ADGRE3: variants seen among roughly 807,000 people sequenced by gnomAD.
ADGRE3 encodes adhesion G protein-coupled receptor E3.
ADGRE3 carries 88 observed loss-of-function variants against 80.1 expected under a neutral mutation model. The ratio of observed to expected loss-of-function variants is 1.10; its 90% CI spans 0.93 to 1.31. The LOEUF (loss-of-function observed/expected upper bound fraction) is 1.31. Among genes scored for constraint, ADGRE3 ranks in the 40% most tolerant of loss-of-function variants. The probability of loss-of-function intolerance (pLI) is 0.00; values close to 1 mark genes in which losing one functional copy is unlikely to be tolerated. For missense variants in ADGRE3, 715 were observed against 776.5 expected (o/e 0.92, Z 0.94); for synonymous variants, 281 against 294.8 (o/e 0.95, Z 0.48).
intron 15 of ADGRE3, 68 bp downstream of exon 15, chr19:14,625,424 T>G: frequency 5.8e-6 from 6 of 1,035,186 alleles, no homozygotes; most frequent in Non-Finnish European, 8.9e-6. Flanking sequence ...AATCCCAAAC[T>G]AGAGGAAGTT....
chr19:14,645,504 C>T (rs1599629120), intron 8 of ADGRE3, among the ~76,000 whole-genome samples: 1 of 151,980 alleles, frequency 6.6e-6, no homozygotes, highest in East Asian at 1.9e-4. Flanking sequence ...ACTAAAAATA[C>T]AAAAATGAGC....
At chr19:14,660,849 G>C (rs1003275596) in intron 4 of ADGRE3, among the ~76,000 whole-genome samples, 5 of 151,504 alleles carry the variant, frequency 3.3e-5, no homozygotes, top group Admixed American at 6.6e-5. Context: ...TTGCAATGGG[G>C]TCTCAGAGAG....
At chr19:14,661,075 G>A (rs955352487) in intron 4 of ADGRE3, among the ~76,000 whole-genome samples, 117 of 151,106 alleles carry the variant, frequency 7.7e-4, no homozygotes, top group African/African-American at 2.8e-3. Flanking sequence ...CTGAGAAGCT[G>A]GGATTACAGG....
At chr19:14,608,655 A>G in the ADGRE3 span, among the ~76,000 whole-genome samples, 1 of 127,878 alleles carries the variant, frequency 7.8e-6, no homozygotes, top group African/African-American at 3.1e-5. Context: ...TTTTTTTGAG[A>G]CAGAGTCTCA....
the ADGRE3 span, among the ~76,000 whole-genome samples, chr19:14,607,628 T>C: frequency 6.6e-6 from 1 of 151,928 alleles, no homozygotes; most frequent in Non-Finnish European, 1.5e-5. Flanking sequence ...CAGGCTGGAG[T>C]GCAATGGTGC....
chr19:14,620,582 T>A lies in ADGRE3; in HGVS notation c.1921-1111A>T, dbSNP rs1420299272. ...TATATATATATATTTTTTTTTTTTT[T>A]TTTTTTTTTTTTTTTGAGACAGGGT... On this transcript the variant is annotated intron_variant, in intron 15 of 15. Transcript: ENST00000253673. Among the ~76,000 whole-genome samples, 244 of 31,010 alleles carry A rather than the reference T, an allele frequency of 7.9e-3. 17 individuals are homozygous for A. Among genetic ancestry groups the A allele is most frequent in the Non-Finnish European group, 0.012 (191 of 15,568 alleles). The allele number at this position is 31,010 out of a possible 152,430, so 20.3% of individuals were successfully genotyped here.
the ADGRE3 span, chr19:14,610,423 C>A: frequency 1.8e-6 from 1 of 565,760 alleles, no homozygotes. Context: ...ATGCTCAGAG[C>A]TTGGTGGTGG....
Position 14,641,446 on chromosome 19 carries a change from G to A in ADGRE3, c.1221C>T (p.Leu407=), listed in dbSNP as rs752272423. ...LCLFLAHLLF[L]VGIDRTEPKV... is the part of the protein sequence containing the mutation. The stretch of plus-strand genomic sequence containing the variant: ...TGGGTTCAGTTCGATCAATCCCCAC[G>A]AGGAAGAGGAGGTGGGCCAGGAAGA... Residue 407 remains leucine, a synonymous_variant, in exon 10 of 16, where the codon CTC becomes CTT. Transcript: ENST00000253673. 15 of 1,613,998 alleles carry A rather than the reference G, an allele frequency of 9.3e-6. No homozygotes were observed. Among genetic ancestry groups the A allele is most frequent in the African/African-American group, 4.0e-5 (3 of 74,906 alleles).
chr19:14,618,522 C>G (rs2075096365), downstream of ADGRE3, among the ~76,000 whole-genome samples: 1 of 151,672 alleles, frequency 6.6e-6, no homozygotes, highest in African/African-American at 2.4e-5. Context: ...CCACTGCACT[C>G]CAGCCTGGGT....
the ADGRE3 span, chr19:14,607,151 G>T: frequency 1.2e-6 from 1 of 862,094 alleles, no homozygotes; most frequent in South Asian, 4.2e-5. Flanking sequence ...TGTGGGCCCT[G>T]ACCATGGGGA....
chr19:14,629,787 A>G (rs528466788), intron 14 of ADGRE3, among the ~76,000 whole-genome samples: 1 of 152,342 alleles, frequency 6.6e-6, no homozygotes, highest in East Asian at 1.9e-4. Flanking sequence ...GCTGACTATT[A>G]CGAGTGGGAA....
chr19:14,645,375 G>A (rs1971369451), intron 8 of ADGRE3, among the ~76,000 whole-genome samples: 1 of 152,132 alleles, frequency 6.6e-6, no homozygotes, highest in South Asian at 2.1e-4. Flanking sequence ...ATGAGCCTTT[G>A]AAGCCGGGCA....
chr19:14,673,747 A>C (rs1784209289), intron 1 of ADGRE3, among the ~76,000 whole-genome samples: 1 of 152,202 alleles, frequency 6.6e-6, no homozygotes, highest in South Asian at 2.1e-4. Flanking sequence ...TCTTTGTATA[A>C]ATTTATGGGA....
intron 4 of ADGRE3, among the ~76,000 whole-genome samples, chr19:14,661,142 A>G (rs1190546546): frequency 6.6e-6 from 1 of 152,068 alleles, no homozygotes; most frequent in African/African-American, 2.4e-5. Flanking sequence ...GGGTTTCGCC[A>G]TGTTGGCCAT....
chr19:14,614,719 G>A (rs1431121705), downstream of ADGRE3, among the ~76,000 whole-genome samples: 1 of 151,804 alleles, frequency 6.6e-6, no homozygotes, highest in Non-Finnish European at 1.5e-5. Context: ...TGGGATTACA[G>A]GTACACCGTA....
chr19:14,653,319 T>C (rs1194857396), intron 6 of ADGRE3, among the ~76,000 whole-genome samples: 3 of 152,058 alleles, frequency 2.0e-5, no homozygotes, highest in African/African-American at 4.8e-5. Flanking sequence ...CGCTTGTTAC[T>C]CTTTGTCATT....
chr19:14,606,871 G>C, the ADGRE3 span: 9 of 366,624 alleles, frequency 2.5e-5, 1 homozygote, highest in African/African-American at 1.1e-4. Context: ...CCATGGGGAC[G>C]GGGACGGGTT....
At chr19:14,620,295 T>A (rs1260329163) in intron 15 of ADGRE3, among the ~76,000 whole-genome samples, 8 of 143,838 alleles carry the variant, frequency 5.6e-5, no homozygotes, top group Non-Finnish European at 1.2e-4. Flanking sequence ...CAAGCGATCC[T>A]CCTACCTTGT....
chr19:14,625,686 T>C, intron 14 of ADGRE3, 87 bp from the exon 15 acceptor site: 1 of 742,478 alleles, frequency 1.3e-6, no homozygotes, highest in Non-Finnish European at 2.4e-6. Context: ...AGGATAGAGA[T>C]GTATTATTAT....
Sources: gnomAD v4.1 joint callset for allele counts (sites outside exome capture counted in the v4.1 genomes callset) on GRCh38, gnomAD v4.1.1 for gene constraint, MANE v1.5 for transcripts, NCBI Gene and HGNC (gene_info 2026-07-23, HGNC 2026-07-21) for gene names.